The following TNS3 variants were observed in gnomAD, a reference collection of about 807,000 sequenced individuals.
The protein encoded by TNS3 is tensin-3.
A neutral mutation model predicts 140.9 loss-of-function variants in TNS3; 45 were observed. The ratio of observed to expected loss-of-function variants is 0.32; its 90% CI spans 0.25 to 0.41. TNS3 has a LOEUF of 0.41. Among genes scored for constraint, TNS3 ranks in the 10% least tolerant of loss-of-function variants. The probability of loss-of-function intolerance (pLI) is 1.00; values close to 1 mark genes in which losing one functional copy is unlikely to be tolerated. For synonymous variants in TNS3, 815 were observed against 788.4 expected, an observed-to-expected ratio of 1.03 and a Z score of -0.56; for missense variants, 1,716 against 1,906.7, an observed-to-expected ratio of 0.90 and a Z score of 1.86.
chr7:47,350,017 T>C (rs1218409670), intron 17 of TNS3, among the ~76,000 whole-genome samples: 1 of 152,208 alleles, frequency 6.6e-6, no homozygotes, highest in Non-Finnish European at 1.5e-5. Context: ...AGAGCAATGA[T>C]TTGTCACCAC....
intron 16 of TNS3, among the ~76,000 whole-genome samples, chr7:47,393,940 C>T (rs1792677925): frequency 6.6e-6 from 1 of 152,056 alleles, no homozygotes; most frequent in African/African-American, 2.4e-5. Context: ...TCTCTACTCG[C>T]CCCTAGACCC....
intron 6 of TNS3, among the ~76,000 whole-genome samples, chr7:47,439,069 C>A (rs186485349): frequency 1.7e-3 from 260 of 152,332 alleles, no homozygotes; most frequent in East Asian, 2.3e-3. Context: ...GTCTCCAGGG[C>A]AGCCCCTGGT....
chr7:47,411,667 A>C (rs1793777197), intron 13 of TNS3, 60 bp downstream of exon 13: 3 of 1,506,782 alleles, frequency 2.0e-6, no homozygotes, highest in Non-Finnish European at 2.7e-6. Flanking sequence ...CATGATTTCA[A>C]GTCATCACCA....
At chr7:47,424,278 G>T in intron 9 of TNS3, 94 bp from the exon 10 acceptor site, 1 of 1,240,784 alleles carries the variant, frequency 8.1e-7, no homozygotes. Flanking sequence ...TGTTCAAAGC[G>T]ACCAGCTCCC....
intron 13 of TNS3, among the ~76,000 whole-genome samples, chr7:47,401,218 C>T (rs79919769): frequency 0.039 from 6,008 of 152,320 alleles, 174 homozygotes; most frequent in Non-Finnish European, 0.06. Context: ...CTCAGAGAGG[C>T]CACACCTAAA....
chr7:47,543,675 A>G, intron 1 of TNS3, among the ~76,000 whole-genome samples: 1 of 148,338 alleles, frequency 6.7e-6, no homozygotes, highest in Non-Finnish European at 1.5e-5. Context: ...AATCACAGAC[A>G]CTCAGTAGAT....
chr7:47,481,118 T>A lies in TNS3; in HGVS notation c.-91A>T, dbSNP rs1797399016. ...AAGGGCTTACCTGTTCCAGTCGGACTTGCACACCGCAGGGAATCACCACCT... is the reference window on the plus strand; with the variant it reads ...AAGGGCTTACCTGTTCCAGTCGGACATGCACACCGCAGGGAATCACCACCT... On this transcript the variant is annotated 5_prime_UTR_variant, in exon 4 of 31. It adds an upstream start codon to the 5' untranslated region. Coordinates refer to ENST00000311160, the MANE Select transcript of TNS3 (RefSeq NM_022748.12). The A allele has an allele frequency of 7.8e-7, 1 of 1,289,772 alleles. No individual in the cohort carries two copies. The highest frequency in any genetic ancestry group is 1.5e-5 in the African/African-American group (1 of 65,960). The allele number at this position is 1,289,772 out of a possible 1,614,324, so 79.9% of individuals were successfully genotyped here.
At chr7:47,316,485 G>GA (rs1045294891) in intron 20 of TNS3, among the ~76,000 whole-genome samples, 2 of 151,816 alleles carry the variant, frequency 1.3e-5, no homozygotes, top group African/African-American at 2.4e-5. Flanking sequence ...TTCTAATTTA[G>GA]AAAAGCAAGA....
chr7:47,360,781 G>A (rs999217926), intron 17 of TNS3, among the ~76,000 whole-genome samples: 3 of 152,184 alleles, frequency 2.0e-5, no homozygotes, highest in Non-Finnish European at 2.9e-5. Flanking sequence ...AGATGCGCAC[G>A]CTGCTGTCTT....
At chr7:47,310,125 G>A (rs936850910) in intron 20 of TNS3, among the ~76,000 whole-genome samples, 2 of 152,220 alleles carry the variant, frequency 1.3e-5, no homozygotes, top group African/African-American at 2.4e-5. Flanking sequence ...AGTTCTGGAA[G>A]TGCCAAGGTC....
chr7:47,440,071 C>T (rs943698400), intron 5 of TNS3, among the ~76,000 whole-genome samples: 2 of 152,032 alleles, frequency 1.3e-5, no homozygotes, highest in Non-Finnish European at 2.9e-5. Flanking sequence ...GTGTCAAGGT[C>T]GGCACGAGGG....
At chr7:47,337,669 G>C (rs1343311436) in intron 20 of TNS3, among the ~76,000 whole-genome samples, 1 of 152,174 alleles carries the variant, frequency 6.6e-6, no homozygotes, top group Admixed American at 6.5e-5. Context: ...CCACAGTGAT[G>C]TGTGAAAATG....
chr7:47,441,802 C>A (rs1795479234), intron 5 of TNS3, among the ~76,000 whole-genome samples: 1 of 152,212 alleles, frequency 6.6e-6, no homozygotes. Flanking sequence ...GGTGTTTCTA[C>A]CACCTGGGCT....
At chr7:47,452,024 A>G (rs1796037437) in intron 4 of TNS3, among the ~76,000 whole-genome samples, 1 of 152,246 alleles carries the variant, frequency 6.6e-6, no homozygotes, top group African/African-American at 2.4e-5. Context: ...AAAGGGAGAC[A>G]GAAACAGCAT....
chr7:47,319,806 C>A (rs1441159494), intron 20 of TNS3, among the ~76,000 whole-genome samples: 2 of 152,318 alleles, frequency 1.3e-5, no homozygotes, highest in Non-Finnish European at 2.9e-5. Context: ...GGACCACAGG[C>A]AGCTAATGGG....
At chr7:47,338,247 T>C (rs1485249920) in intron 20 of TNS3, among the ~76,000 whole-genome samples, 1 of 152,212 alleles carries the variant, frequency 6.6e-6, no homozygotes, top group Non-Finnish European at 1.5e-5. Flanking sequence ...GATGTAGGTT[T>C]TTCATTTTTA....
In TNS3 at chr7:47,303,335, G is replaced by A. The variant is rs540107827; in HGVS notation, c.3072C>T (p.Thr1024=). 1.1e-5 allele frequency: 18 copies of A among 1,613,448 alleles called. No homozygotes were observed. In the Admixed American group the frequency reaches 1.5e-4, roughly 13 times the overall value. ...GCGGAAGGCCACTTCCCACTGGGGC[G>A]GTGCCGAAGCCCAGGAAGGCCTGGC... is the stretch of plus-strand genomic sequence containing the variant. The part of the protein sequence containing the change: ...PSSQAFLGFG[T]APVGSGLPPE... The change falls in exon 22 of 31, where the codon ACC becomes ACT. Residue 1024 remains threonine, a synonymous_variant. Transcript: ENST00000311160.
At chr7:47,290,190 A>T (rs938216294) in intron 27 of TNS3, among the ~76,000 whole-genome samples, 1 of 152,222 alleles carries the variant, frequency 6.6e-6, no homozygotes, top group African/African-American at 2.4e-5. Context: ...GCAAAAAAAT[A>T]AAAAATGAAT....
In TNS3 at chr7:47,278,376, C is replaced by A. The variant is rs139465995; in HGVS notation, c.4194-156G>T. ...GCACCCTGCTGGCCACCTGTTCATG[C>A]ACTTTACCTCCAGCCTTCACAGACC... On this transcript the variant is annotated intron_variant, in intron 30 of 30. Coordinates refer to ENST00000311160, the MANE Select transcript of TNS3 (RefSeq NM_022748.12). 7.9e-6 allele frequency: 6 copies of A among 758,776 alleles called. No homozygotes were observed. In the African/African-American group the frequency reaches 1.1e-4, roughly 13 times the overall value. 47.0% of individuals were successfully genotyped at this position (758,776 alleles called of 1,614,324 possible).
Sources: allele counts gnomAD v4.1 joint callset (sites outside exome capture counted in the v4.1 genomes callset), GRCh38; gene constraint gnomAD v4.1.1; transcripts MANE v1.5; gene names NCBI Gene and HGNC (gene_info 2026-07-23, HGNC 2026-07-21).